Variants in FOCAD observed in about 807,000 individuals in gnomAD.
FOCAD encodes KIAA1797.
FOCAD carries 198 observed loss-of-function variants against 225.6 expected under a neutral mutation model. That is an observed-to-expected ratio of 0.88 (90% CI 0.78 to 0.99). The LOEUF is 0.99. Among genes scored for constraint, FOCAD ranks in the 50% least tolerant of loss-of-function variants. FOCAD has a pLI of 0.00. For missense variants in FOCAD, 2,713 were observed against 2,123.6 expected (o/e 1.28, Z -5.46); for synonymous variants, 897 against 755.0 (o/e 1.19, Z -3.08).
At chr9:20,957,481 T>TC (rs1838279999) in intron 35 of FOCAD, 1 of 114,218 alleles carries the variant, frequency 8.8e-6, no homozygotes, top group Non-Finnish European at 1.8e-5. Context: ...TTCTTTTCTT[T>TC]TTTTTTTTTT....
At chr9:20,656,085 T>G (rs1263804149), upstream of FOCAD, among the ~76,000 whole-genome samples, 1 of 150,076 alleles carries the variant, frequency 6.7e-6, no homozygotes, top group Non-Finnish European at 1.5e-5. Context: ...AGTTGAGCGG[T>G]TTTGAGTGAG....
At chr9:20,891,238 T>C (rs10757155) in intron 21 of FOCAD, among the ~76,000 whole-genome samples, 123,772 of 152,092 alleles carry the variant, frequency 0.81, 50,583 homozygotes, top group Admixed American at 0.88. Flanking sequence ...CTCCCTATTC[T>C]CTGAGACACA....
In FOCAD at chr9:20,990,131, C is replaced by G; in HGVS notation, c.5013C>G (p.Asp1671Glu). ...TTCTATTTTCATCGTAGGCTTTGGACTTCTTCTTGCTGATATTTGCAACCG... is the reference window on the plus strand; with the variant it reads ...TTCTATTTTCATCGTAGGCTTTGGAGTTCTTCTTGCTGATATTTGCAACCG... ...FHNTALDKAL[D>E]FFLLIFATAV... Residue 1671 changes from aspartate to glutamate, a missense_variant, in exon 42 of 44, where the codon GAC becomes GAG. By Grantham distance (45) the Asp-to-Glu change is conservative. Coordinates refer to ENST00000338382, the MANE Select transcript of FOCAD (RefSeq NM_001375567.1). 1 of 1,614,158 alleles carries G rather than the reference C, an allele frequency of 6.2e-7. No homozygotes were observed. Among genetic ancestry groups the G allele is most frequent in the Non-Finnish European group, 8.5e-7 (1 of 1,179,994 alleles).
chr9:20,668,748 C>T (rs1231461195), intron 2 of FOCAD, among the ~76,000 whole-genome samples: 1 of 152,128 alleles, frequency 6.6e-6, no homozygotes, highest in African/African-American at 2.4e-5. Context: ...GAGATTGAAT[C>T]CTGACTTATC....
chr9:20,799,885 T>C (rs927135635), intron 11 of FOCAD, among the ~76,000 whole-genome samples: 1 of 152,150 alleles, frequency 6.6e-6, no homozygotes, highest in African/African-American at 2.4e-5. Flanking sequence ...TTTGATCCTG[T>C]CATTATGATG....
rs1458155501 is a variant in FOCAD, at chr9:20,819,911, T to G, written c.1560+11T>G. On this transcript the variant is annotated intron_variant, in intron 12 of 43. Coordinates refer to ENST00000338382, the MANE Select transcript of FOCAD (RefSeq NM_001375567.1). ...CTTGGTGTTCACAAGGTTAGTATGT[T>G]AATTAATTTAGTTGGCGAAAAAAGT... 1 of 1,455,604 alleles carries G rather than the reference T, an allele frequency of 6.9e-7. No homozygotes were observed. The highest frequency in any genetic ancestry group is 9.3e-7 in the Non-Finnish European group (1 of 1,074,378). 90.2% of individuals were successfully genotyped at this position (1,455,604 alleles called of 1,614,324 possible). A position where few individuals can be genotyped will look rare whatever the true frequency, so the allele number is the denominator to read the frequency against.
intron 37 of FOCAD, among the ~76,000 whole-genome samples, chr9:20,980,351 C>G (rs1454828093): frequency 6.6e-6 from 1 of 152,126 alleles, no homozygotes; most frequent in Non-Finnish European, 1.5e-5. Flanking sequence ...TCTATTCACT[C>G]CTTCTTACTT....
chr9:20,925,846 G>A (rs1365853582), intron 25 of FOCAD, among the ~76,000 whole-genome samples: 1 of 152,164 alleles, frequency 6.6e-6, no homozygotes, highest in Admixed American at 6.6e-5. Flanking sequence ...CAACTAAATG[G>A]TAATAGTCAC....
Position 20,913,151 on chromosome 9 carries a change from C to CAA in FOCAD, c.2807+198_2807+199insAA, listed in dbSNP as rs372611183. On this transcript the variant is annotated intron_variant, in intron 23 of 43. Transcript: ENST00000338382. ...TTTATTTATAAATTATACATACACA[C>CAA]ACACACACACACACACACACACACA... 1.3e-3 allele frequency among the ~76,000 whole-genome samples: 170 copies of CAA among 130,580 alleles called. 1 individual carries two copies. The East Asian group carries it at 0.031, about 24-fold the overall frequency. The allele number at this position is 130,580 out of a possible 152,430, so 85.7% of individuals were successfully genotyped here.
chr9:20,741,381 G>C (rs904872932), intron 5 of FOCAD, among the ~76,000 whole-genome samples: 1 of 152,022 alleles, frequency 6.6e-6, no homozygotes, highest in African/African-American at 2.4e-5. Context: ...GGTCTGTGTC[G>C]TGGTATATCT....
intron 15 of FOCAD, among the ~76,000 whole-genome samples, chr9:20,829,624 A>C (rs1825285047): frequency 6.6e-6 from 1 of 152,096 alleles, no homozygotes; most frequent in African/African-American, 2.4e-5. Context: ...TGATGAATAA[A>C]AGAATTCTGT....
At chr9:20,895,314 A>G (rs562275220) in intron 21 of FOCAD, among the ~76,000 whole-genome samples, 6 of 152,064 alleles carry the variant, frequency 3.9e-5, no homozygotes, top group East Asian at 1.9e-4. Context: ...TTGTCTCTTC[A>G]TATGAACATT....
chr9:20,826,880 T>G (rs1474913996), intron 15 of FOCAD, among the ~76,000 whole-genome samples: 2 of 152,154 alleles, frequency 1.3e-5, no homozygotes, highest in Admixed American at 1.3e-4. Context: ...GGAAAATAAT[T>G]AATGTTCCTG....
rs879602369 is a variant in FOCAD at position 20,710,596 on chromosome 9, C to CA, written c.-32-4714dup. Among the ~76,000 whole-genome samples, 313 of 139,166 alleles carry CA rather than the reference C, an allele frequency of 2.2e-3. 3 individuals carry two copies. Among genetic ancestry groups the CA allele is most frequent in the Middle Eastern group, 0.011 (3 of 276 alleles). The allele number at this position is 139,166 out of a possible 152,430, so 91.3% of individuals were successfully genotyped here. ...GGGCAACAAAAGCGTAACTCTGTCT[C>CA]AAAAAAAAAAAATAATAATATAACA... On this transcript the variant is annotated intron_variant, in intron 1 of 43. Coordinates refer to ENST00000338382, the MANE Select transcript of FOCAD (RefSeq NM_001375567.1).
chr9:20,820,679 ATATAGT>A (rs1263648131), intron 13 of FOCAD, among the ~76,000 whole-genome samples: 6 of 152,274 alleles, frequency 3.9e-5, no homozygotes, highest in Non-Finnish European at 2.9e-5. Context: ...AGTAATGGAA[ATATAGT>A]TATAAATGAT....
At chr9:20,688,058 G>C (rs909773757) in intron 1 of FOCAD, among the ~76,000 whole-genome samples, 1 of 152,228 alleles carries the variant, frequency 6.6e-6, no homozygotes, top group African/African-American at 2.4e-5. Flanking sequence ...TGTTAAGATA[G>C]AGAATAGATC....
chr9:20,865,285 C>T (rs1403615357), intron 16 of FOCAD, among the ~76,000 whole-genome samples: 1 of 151,992 alleles, frequency 6.6e-6, no homozygotes, highest in Non-Finnish European at 1.5e-5. Flanking sequence ...ACTGTTGCTT[C>T]CCATTGAAGT....
At chr9:20,756,950 A>T (rs1225983797) in intron 5 of FOCAD, among the ~76,000 whole-genome samples, 1 of 151,668 alleles carries the variant, frequency 6.6e-6, no homozygotes, top group Non-Finnish European at 1.5e-5. Context: ...TTTTTTTGAG[A>T]TGGAGTTTTG....
chr9:20,730,042 AAT>A (rs1235317802), intron 4 of FOCAD, among the ~76,000 whole-genome samples: 11 of 152,178 alleles, frequency 7.2e-5, no homozygotes, highest in Admixed American at 7.2e-4. Flanking sequence ...GCCTTTCTTG[AAT>A]ATAAACTGTG....
Sources: gnomAD v4.1 joint callset for allele counts (sites outside exome capture counted in the v4.1 genomes callset) on GRCh38, gnomAD v4.1.1 for gene constraint, MANE v1.5 for transcripts, NCBI Gene and HGNC (gene_info 2026-07-23, HGNC 2026-07-21) for gene names.